Variants in FBXL20 observed in about 807,000 individuals in gnomAD.
FBXL20 encodes the protein F-box and leucine rich repeat protein 20.
A neutral mutation model predicts 64.0 loss-of-function variants in FBXL20; 11 were observed. That is an observed-to-expected ratio of 0.17 (90% CI 0.11 to 0.28). FBXL20 has a LOEUF of 0.28. FBXL20 is among the 10% of genes least tolerant of loss of function. The pLI, the probability that FBXL20 is intolerant of heterozygous loss-of-function variation, is 1.00. For synonymous variants in FBXL20, 184 were observed against 189.0 expected (o/e 0.97, Z 0.22); for missense variants, 303 against 526.2 (o/e 0.58, Z 4.15).
intron 1 of FBXL20, among the ~76,000 whole-genome samples, chr17:39,371,347 T>TA: frequency 6.6e-6 from 1 of 152,238 alleles, no homozygotes. Context: ...CATAAATATA[T>TA]TTTTTTAAAA....
At chr17:39,279,412 T>C (rs193225852) in intron 9 of FBXL20, among the ~76,000 whole-genome samples, 26 of 151,844 alleles carry the variant, frequency 1.7e-4, no homozygotes, top group African/African-American at 4.8e-4. Flanking sequence ...GGTGGAAGGA[T>C]TGCTTGAGCC....
chr17:39,343,152 A>C, intron 2 of FBXL20, 28 bp downstream of exon 2: 1 of 1,550,412 alleles, frequency 6.4e-7, no homozygotes, highest in East Asian at 2.3e-5. Context: ...CACATAAAAA[A>C]ACCCATAAAA....
chr17:39,356,858 C>T (rs1043114583), intron 1 of FBXL20, among the ~76,000 whole-genome samples: 1 of 151,292 alleles, frequency 6.6e-6, no homozygotes, highest in Non-Finnish European at 1.5e-5. Context: ...GAGACAAGGT[C>T]TCACTATGTT....
chr17:39,338,658 C>T (rs1299027708), intron 2 of FBXL20, among the ~76,000 whole-genome samples: 1 of 152,100 alleles, frequency 6.6e-6, no homozygotes, highest in Non-Finnish European at 1.5e-5. Flanking sequence ...AGCTAAAAGA[C>T]ACTACCTTAA....
At chr17:39,319,005 C>T (rs908543871) in intron 2 of FBXL20, among the ~76,000 whole-genome samples, 1 of 152,000 alleles carries the variant, frequency 6.6e-6, no homozygotes, top group East Asian at 1.9e-4. Context: ...AATCTCAGCA[C>T]TTTGGGAGGT....
intron 11 of FBXL20, 120 bp downstream of exon 11, chr17:39,270,676 C>T (rs1235405362): frequency 7.8e-6 from 6 of 773,182 alleles, no homozygotes; most frequent in Admixed American, 2.8e-5. Flanking sequence ...CATGAAACCC[C>T]GTCTCACTCA....
chr17:39,354,242 C>T (rs2047714889), intron 1 of FBXL20, among the ~76,000 whole-genome samples: 1 of 152,118 alleles, frequency 6.6e-6, no homozygotes, highest in African/African-American at 2.4e-5. Flanking sequence ...ACGGGGAAAA[C>T]AAATAAGATA....
intron 1 of FBXL20, among the ~76,000 whole-genome samples, chr17:39,374,499 C>A (rs1007023391): frequency 2.0e-5 from 3 of 151,756 alleles, no homozygotes; most frequent in Non-Finnish European, 2.9e-5. Context: ...CAAGAATGCA[C>A]CAGTGCACTC....
intron 5 of FBXL20, among the ~76,000 whole-genome samples, chr17:39,297,991 C>A (rs1379484431): frequency 6.6e-6 from 1 of 152,134 alleles, no homozygotes; most frequent in African/African-American, 2.4e-5. Context: ...CCCACATCAG[C>A]CTTTCAAAGT....
intron 2 of FBXL20, among the ~76,000 whole-genome samples, chr17:39,333,013 G>C (rs1266268998): frequency 6.6e-6 from 1 of 151,168 alleles, no homozygotes; most frequent in Non-Finnish European, 1.5e-5. Flanking sequence ...ATGTTACCCA[G>C]GCTGGTCTCT....
chr17:39,373,972 A>G (rs1254821242), intron 1 of FBXL20, among the ~76,000 whole-genome samples: 1 of 152,180 alleles, frequency 6.6e-6, no homozygotes, highest in Admixed American at 6.6e-5. Context: ...CTGTATTCCC[A>G]GCACTTTGGG....
At chr17:39,322,483 T>C (rs569145828) in intron 2 of FBXL20, among the ~76,000 whole-genome samples, 2 of 152,270 alleles carry the variant, frequency 1.3e-5, no homozygotes, top group East Asian at 3.9e-4. Flanking sequence ...TATAAATTTT[T>C]AATTAAAAAA....
At chr17:39,281,500 G>A (rs2046950308) in intron 8 of FBXL20, 37 bp from the exon 9 acceptor site, 2 of 1,536,366 alleles carry the variant, frequency 1.3e-6, no homozygotes, top group Non-Finnish European at 1.8e-6. Flanking sequence ...AATGATTATT[G>A]ACATTGTCTC....
At chr17:39,369,648 G>T (rs1414901903) in intron 1 of FBXL20, among the ~76,000 whole-genome samples, 1 of 151,780 alleles carries the variant, frequency 6.6e-6, no homozygotes, top group Non-Finnish European at 1.5e-5. Flanking sequence ...ACCGTGCCCA[G>T]CTATGTGTTT....
chr17:39,331,066 T>C (rs763498185), intron 2 of FBXL20, among the ~76,000 whole-genome samples: 15 of 152,228 alleles, frequency 9.9e-5, no homozygotes, highest in Non-Finnish European at 2.2e-4. Flanking sequence ...ATCTCTCTCA[T>C]GGGACTACAC....
chr17:39,349,914 C>A (rs1420166121), intron 1 of FBXL20, among the ~76,000 whole-genome samples: 2 of 147,068 alleles, frequency 1.4e-5, no homozygotes, highest in African/African-American at 5.1e-5. Flanking sequence ...CCAGCCTGGG[C>A]TAAAGAGCGA....
chr17:39,290,962 GTAT>G (rs2047032639), intron 6 of FBXL20, among the ~76,000 whole-genome samples: 2 of 131,542 alleles, frequency 1.5e-5, no homozygotes, highest in South Asian at 4.4e-4. Flanking sequence ...TCTCCATTCT[GTAT>G]TTTTTTTTTT....
chr17:39,393,720 AC>A (rs1376024911), intron 1 of FBXL20, among the ~76,000 whole-genome samples: 5 of 152,210 alleles, frequency 3.3e-5, no homozygotes, highest in Admixed American at 2.6e-4. Context: ...TAGGTTACTT[AC>A]TTAGAGCTAT....
intron 2 of FBXL20, among the ~76,000 whole-genome samples, chr17:39,334,158 C>T (rs901745226): frequency 3.3e-5 from 5 of 152,276 alleles, no homozygotes; most frequent in Admixed American, 1.3e-4. Context: ...TGTTGTTAAT[C>T]TATAACCTTA....
Sources: gnomAD v4.1 joint callset for allele counts (sites outside exome capture counted in the v4.1 genomes callset) on GRCh38, gnomAD v4.1.1 for gene constraint, MANE v1.5 for transcripts, NCBI Gene and HGNC (gene_info 2026-07-23, HGNC 2026-07-21) for gene names.